The following CHAMP1 variants were observed in gnomAD, a reference collection of about 807,000 sequenced individuals.
The protein encoded by CHAMP1 is chromosome alignment-maintaining phosphoprotein 1.
A neutral mutation model predicts 54.5 loss-of-function variants in CHAMP1; 4 were observed. The observed-to-expected ratio is 0.07, with a 90% CI of 0.04 to 0.17. The LOEUF (loss-of-function observed/expected upper bound fraction) is 0.17. CHAMP1 is among the 10% of genes least tolerant of loss of function. The probability of loss-of-function intolerance (pLI) is 1.00; values close to 1 mark genes in which losing one functional copy is unlikely to be tolerated. For synonymous variants in CHAMP1, 368 were observed against 342.2 expected (o/e 1.08, Z -0.83); for missense variants, 994 against 968.6 (o/e 1.03, Z -0.35).
Position 114,325,035 on chromosome 13 carries a change from G to A in CHAMP1, c.1193G>A (p.Arg398Gln), listed in dbSNP as rs376497995. The change falls in exon 3 of 3, where the codon CGA becomes CAA. Residue 398 changes from arginine to glutamine, a missense_variant. Around this residue, in one of 3 missense-constraint regions of CHAMP1, gnomAD observed 851 missense variants for 701.3 expected, o/e 1.21. Transcript: ENST00000361283. The part of the protein sequence containing the change: ...ESWKSGPPEL[R>Q]KTAPTLSPEH... ...TGGAAGTCTGGCCCACCAGAACTCC[G>A]AAAGACAGCTCCCACGTTGTCTCCT... 11 of 1,613,930 alleles carry A rather than the reference G, an allele frequency of 6.8e-6. No homozygotes were observed. Among genetic ancestry groups the A allele is most frequent in the African/African-American group, 4.0e-5 (3 of 74,856 alleles).
intron 1 of CHAMP1, among the ~76,000 whole-genome samples, chr13:114,315,582 A>G (rs1335977208): frequency 6.6e-6 from 1 of 152,252 alleles, no homozygotes; most frequent in Admixed American, 6.5e-5. Context: ...ATTATACAGT[A>G]TAAACGAGCA....
intron 1 of CHAMP1, among the ~76,000 whole-genome samples, chr13:114,320,521 G>A (rs1386785692): frequency 6.6e-6 from 1 of 152,198 alleles, no homozygotes; most frequent in Non-Finnish European, 1.5e-5. Context: ...GTGCTTATCA[G>A]AGAAGTGAAG....
At position 114,325,437 on chromosome 13, in the gene CHAMP1, C is replaced by G; in HGVS notation, c.1595C>G (p.Pro532Arg). The change falls in exon 3 of 3, where the codon CCC becomes CGC. Residue 532 changes from proline (P) to arginine (R), a missense_variant. Transcript: ENST00000361283. ...GAGCCTAGAAAACCTGCCCTGTTTC[C>G]CGAGCCTGCCAAAACAGCCCCTCCT... is the stretch of plus-strand genomic sequence containing the variant. Reference protein sequence around the residue: ...DTEPRKPALFPEPAKTAPPAS... With the variant: ...DTEPRKPALFREPAKTAPPAS... The G allele has an allele frequency of 6.2e-7, 1 of 1,614,056 alleles. No homozygotes were observed.
At position 114,325,077 on chromosome 13, in the gene CHAMP1, T is replaced by C; in HGVS notation, c.1235T>C (p.Val412Ala). 1.2e-6 allele frequency: 2 copies of C among 1,614,066 alleles called. No homozygotes were observed. Among genetic ancestry groups the C allele is most frequent in the East Asian group, 2.2e-5 (1 of 44,888 alleles). ...TTGTCTCCTGAACATTGGAAGGCAG[T>C]TCCCCCAGTGTCTCCAGAGCTTCGC... is the stretch of plus-strand genomic sequence containing the variant. Reference protein sequence around the residue: ...PTLSPEHWKAVPPVSPELRKP... With the variant: ...PTLSPEHWKAAPPVSPELRKP... Residue 412 changes from valine to alanine, a missense_variant, in exon 3 of 3, where the codon GTT becomes GCT. Val to Ala is a moderately conservative substitution (Grantham distance 64). This residue lies in a region of CHAMP1 where 851 missense variants were observed against 701.3 expected (regional missense o/e 1.21). Transcript: ENST00000361283.
chr13:114,320,563 C>G lies in CHAMP1; in HGVS notation c.-178-547C>G, dbSNP rs138300843. Among the ~76,000 whole-genome samples the G allele has an allele frequency of 3.9e-3, 598 of 152,266 alleles. 6 individuals carry two copies. The highest frequency in any genetic ancestry group is 0.014 in the African/African-American group (571 of 41,540). On this transcript the variant is annotated intron_variant, in intron 1 of 2. Transcript: ENST00000361283. ...GGTGGGTTTGAGAAGGATTTGATTA[C>G]ACACACGGGCATAATTCCATAGTGG...
Position 114,325,937 on chromosome 13 carries a change from G to A in CHAMP1, c.2095G>A (p.Ala699Thr). The change falls in exon 3 of 3, where the codon GCA becomes ACA. Residue 699 changes from alanine to threonine, a missense_variant. Ala to Thr is a moderately conservative substitution (Grantham distance 58). Transcript: ENST00000361283. ...KEAFISEEEIAKYMKRGKGKY... is the reference protein window; with the variant it reads ...KEAFISEEEITKYMKRGKGKY... The stretch of plus-strand genomic sequence containing the variant: ...AGCTTTTATCTCTGAAGAGGAGATT[G>A]CAAAATACATGAAGCGTGGAAAAGG... The A allele has an allele frequency of 6.2e-7, 1 of 1,614,146 alleles. No individual in the cohort carries two copies. The highest frequency in any genetic ancestry group is 8.5e-7 in the Non-Finnish European group (1 of 1,180,012).
intron 1 of CHAMP1, among the ~76,000 whole-genome samples, chr13:114,317,083 T>G (rs1456115971): frequency 6.6e-6 from 1 of 152,074 alleles, no homozygotes; most frequent in South Asian, 2.1e-4. Flanking sequence ...AGTGGCTCAG[T>G]CTTGGGTCAC....
At position 114,325,458 on chromosome 13, in the gene CHAMP1, C is replaced by T. The variant is rs782284220; in HGVS notation, c.1616C>T (p.Pro539Leu). Residue 539 changes from proline (P) to leucine (L), a missense_variant, in exon 3 of 3, where the codon CCT (proline) becomes CTT (leucine). Coordinates refer to ENST00000361283, the MANE Select transcript of CHAMP1 (RefSeq NM_032436.4). ...TTTCCCGAGCCTGCCAAAACAGCCC[C>T]TCCTGCTTCTCCAGAAGCACGCAAA... ...ALFPEPAKTA[P>L]PASPEARKRA... 1.5e-5 allele frequency: 25 copies of T among 1,614,172 alleles called. No individual in the cohort carries two copies. The highest frequency in any genetic ancestry group is 1.6e-5 in the Non-Finnish European group (19 of 1,180,050).
chr13:114,324,541 C>T lies in CHAMP1; in HGVS notation c.699C>T (p.Phe233=), dbSNP rs1372193180. 1 of 1,614,134 alleles carries T rather than the reference C, an allele frequency of 6.2e-7. No individual in the cohort carries two copies. Among genetic ancestry groups the T allele is most frequent in the Non-Finnish European group, 8.5e-7 (1 of 1,180,028 alleles). ...SNPKPQKQSH[F]PETLGPPSAS... The stretch of plus-strand genomic sequence containing the variant: ...CCAAACCCCAGAAGCAGTCTCATTT[C>T]CCGGAAACATTGGGGCCACCTTCAG... The change falls in exon 3 of 3, where the codon TTC becomes TTT. Residue 233 remains phenylalanine (F), a synonymous_variant. Coordinates refer to ENST00000361283, the MANE Select transcript of CHAMP1 (RefSeq NM_032436.4).
rs782131661 is a variant in CHAMP1 at position 114,323,852 on chromosome 13, T to G, written c.10T>G (p.Phe4Val). The G allele has an allele frequency of 2.5e-6, 4 of 1,601,940 alleles. No homozygotes were observed. The Admixed American group carries it at 6.8e-5, about 27-fold the overall frequency. MEAFQELRKPSARL... is the reference protein window; with the variant it reads MEAVQELRKPSARL... ...GGTAACAGACAGAAGAATGGAAGCATTCCAGGAACTTCGTAAACCATCAGC... is the reference window on the plus strand; with the variant it reads ...GGTAACAGACAGAAGAATGGAAGCAGTCCAGGAACTTCGTAAACCATCAGC... The change falls in exon 3 of 3, where the codon TTC becomes GTC. Residue 4 changes from phenylalanine (F) to valine (V), a missense_variant. Phe to Val is a conservative substitution (Grantham distance 50). This residue lies in a region of CHAMP1 where 84 missense variants were observed against 120.7 expected (regional missense o/e 0.70). Transcript: ENST00000361283.
Position 114,326,353 on chromosome 13 carries a change from T to C in CHAMP1, c.*72T>C. ...TTCTTTGTAAGTATAGCTTATCAGA[T>C]AGCATAGTTGGATCAGTAGATGACA... On this transcript the variant is annotated 3_prime_UTR_variant, in exon 3 of 3. Coordinates refer to ENST00000361283, the MANE Select transcript of CHAMP1 (RefSeq NM_032436.4). 6.8e-7 allele frequency: 1 copy of C among 1,478,580 alleles called. No individual in the cohort carries two copies. The highest frequency in any genetic ancestry group is 9.0e-7 in the Non-Finnish European group (1 of 1,108,908). The allele number at this position is 1,478,580 out of a possible 1,614,324, so 91.6% of individuals were successfully genotyped here.
At chr13:114,315,911 A>C (rs2087093295) in intron 1 of CHAMP1, among the ~76,000 whole-genome samples, 1 of 142,390 alleles carries the variant, frequency 7.0e-6, no homozygotes, top group Non-Finnish European at 1.5e-5. Context: ...ACCTTGGCTC[A>C]CTGCAACCTC....
intron 1 of CHAMP1, among the ~76,000 whole-genome samples, chr13:114,316,132 G>A (rs554666413): frequency 1.1e-4 from 16 of 151,772 alleles, no homozygotes; most frequent in African/African-American, 3.4e-4. Flanking sequence ...CACCATGTCC[G>A]GCCTAAATGG....
intron 1 of CHAMP1, among the ~76,000 whole-genome samples, chr13:114,320,683 G>A (rs901448184): frequency 2.0e-5 from 3 of 152,106 alleles, no homozygotes; most frequent in East Asian, 1.9e-4. Flanking sequence ...CGGGCTGGGC[G>A]CGGTGGCTCA....
chr13:114,320,333 G>A (rs2087151675), intron 1 of CHAMP1, among the ~76,000 whole-genome samples: 1 of 152,098 alleles, frequency 6.6e-6, no homozygotes. Flanking sequence ...TCTTCCTTGG[G>A]GTCAGGACAC....
intron 1 of CHAMP1, among the ~76,000 whole-genome samples, chr13:114,318,327 T>G (rs112087067): frequency 2.7e-5 from 4 of 150,720 alleles, no homozygotes; most frequent in Admixed American, 6.6e-5. Context: ...TTTTTTTTTT[T>G]GGTTTTCTTT....
At chr13:114,315,921 C>A (rs933887159) in intron 1 of CHAMP1, among the ~76,000 whole-genome samples, 12 of 150,918 alleles carry the variant, frequency 8.0e-5, no homozygotes, top group African/African-American at 2.9e-4. Flanking sequence ...ACTGCAACCT[C>A]CGCCCCCTGG....
In CHAMP1 at chr13:114,324,425, G is replaced by C; in HGVS notation, c.583G>C (p.Glu195Gln). The C allele has an allele frequency of 6.2e-7, 1 of 1,614,114 alleles. No homozygotes were observed. The highest frequency in any genetic ancestry group is 8.5e-7 in the Non-Finnish European group (1 of 1,180,024). Residue 195 changes from glutamate (E) to glutamine (Q), a missense_variant, in exon 3 of 3, where the codon GAG becomes CAG. Physicochemically the swap from Glu to Gln is conservative, Grantham distance 29. This residue lies in a region of CHAMP1 where 851 missense variants were observed against 701.3 expected (regional missense o/e 1.21). Transcript: ENST00000361283. The stretch of plus-strand genomic sequence containing the variant: ...ACCTCCAAAATCAGTCCCTGTTTGT[G>C]AGTCTCAGAAACTTGCCCCTGTTCC... ...PEPPKSVPVC[E>Q]SQKLAPVPSP...
In CHAMP1 at chr13:114,326,042, G is replaced by A. The variant is rs782476517; in HGVS notation, c.2200G>A (p.Val734Ile). The part of the protein sequence containing the change: ...VLHHLVNKHN[V>I]HSPYKCTICG... The stretch of plus-strand genomic sequence containing the variant: ...GCATCATTTGGTTAATAAGCATAAT[G>A]TTCATAGCCCTTACAAATGCACAAT... The change falls in exon 3 of 3, where the codon GTT becomes ATT. Residue 734 changes from valine (V) to isoleucine (I), a missense_variant. Transcript: ENST00000361283. 6.8e-6 allele frequency: 11 copies of A among 1,613,804 alleles called. No homozygotes were observed. In the African/African-American group the frequency reaches 1.1e-4, roughly 16 times the overall value.
Sources: allele counts gnomAD v4.1 joint callset (sites outside exome capture counted in the v4.1 genomes callset), GRCh38; gene constraint gnomAD v4.1.1; regional missense constraint gnomAD v4.1.1; transcripts MANE v1.5; gene names NCBI Gene and HGNC (gene_info 2026-07-23, HGNC 2026-07-21).